CFAP100: variants seen among roughly 807,000 people sequenced by gnomAD.
CFAP100 encodes cilia and flagella associated protein 100.
In CFAP100, 70 loss-of-function variants were observed where a neutral mutation model predicts 81.5. That is an observed-to-expected ratio of 0.86 (90% CI 0.71 to 1.05). The LOEUF (loss-of-function observed/expected upper bound fraction) is 1.05, where lower values mean the gene tolerates loss of function less well. Ranked by LOEUF, CFAP100 falls within the 50% of genes least tolerant of loss-of-function variation. The pLI is 0.00. For missense variants in CFAP100, 811 were observed against 776.5 expected, an observed-to-expected ratio of 1.04 and a Z score of -0.53; for synonymous variants, 341 against 314.8, an observed-to-expected ratio of 1.08 and a Z score of -0.88.
At chr3:126,403,715 C>T (rs1031536058) in intron 2 of CFAP100, among the ~76,000 whole-genome samples, 2 of 152,104 alleles carry the variant, frequency 1.3e-5, no homozygotes, top group African/African-American at 4.8e-5. Context: ...ATGTTTCACA[C>T]CCAGTTCATT....
chr3:126,416,450 G>A lies in CFAP100; in HGVS notation c.360G>A (p.Glu120=), dbSNP rs573548441. 4.5e-5 allele frequency: 73 copies of A among 1,609,172 alleles called. No homozygotes were observed. The highest frequency in any genetic ancestry group is 5.7e-5 in the Non-Finnish European group (67 of 1,178,374). ...AGGAGGACCTGGAGGCGCGCGCCGA[G>A]GCCGAGCATCAGCGCGCCTTCCGCG... ...DKQEDLEARA[E]AEHQRAFRDY... Residue 120 remains glutamate (E), a synonymous_variant, in exon 5 of 17, where the codon GAG becomes GAA. Transcript: ENST00000352312.
chr3:126,434,073 G>A (rs371046767), intron 14 of CFAP100, 103 bp from the exon 15 acceptor site: 26 of 952,292 alleles, frequency 2.7e-5, no homozygotes, highest in Non-Finnish European at 3.9e-5. Flanking sequence ...TGTGCCAAGC[G>A]GTGGCCCCCA....
chr3:126,431,289 G>A (rs901794779), intron 13 of CFAP100, among the ~76,000 whole-genome samples: 2 of 152,150 alleles, frequency 1.3e-5, no homozygotes, highest in African/African-American at 4.8e-5. Flanking sequence ...CCCTCGAGGT[G>A]ATCCATCCAT....
At chr3:126,428,861 C>G (rs1027356444) in intron 13 of CFAP100, among the ~76,000 whole-genome samples, 8 of 152,006 alleles carry the variant, frequency 5.3e-5, no homozygotes, top group Admixed American at 2.6e-4. Flanking sequence ...AATCCCAGCA[C>G]TTTGGGAGGC....
intron 2 of CFAP100, among the ~76,000 whole-genome samples, chr3:126,402,207 G>T (rs918380722): frequency 2.6e-5 from 4 of 152,354 alleles, no homozygotes; most frequent in African/African-American, 9.6e-5. Flanking sequence ...AGTCCTGGGG[G>T]TGGTGAGGGA....
At chr3:126,395,656 G>T (rs2082876686) in intron 1 of CFAP100, among the ~76,000 whole-genome samples, 1 of 152,178 alleles carries the variant, frequency 6.6e-6, no homozygotes, top group Non-Finnish European at 1.5e-5. Context: ...TTGAAGAGAA[G>T]GAAGCCCAGC....
At chr3:126,412,146 G>T (rs554888850) in intron 3 of CFAP100, among the ~76,000 whole-genome samples, 1 of 152,242 alleles carries the variant, frequency 6.6e-6, no homozygotes, top group African/African-American at 2.4e-5. Context: ...TTTCCATTTT[G>T]ATTTCCTTGT....
At chr3:126,413,332 G>C (rs2083186336) in intron 3 of CFAP100, among the ~76,000 whole-genome samples, 1 of 152,170 alleles carries the variant, frequency 6.6e-6, no homozygotes, top group Non-Finnish European at 1.5e-5. Flanking sequence ...TGTGACACCA[G>C]AGTCACCCTC....
At chr3:126,405,766 G>T (rs2083053423) in intron 2 of CFAP100, among the ~76,000 whole-genome samples, 1 of 152,110 alleles carries the variant, frequency 6.6e-6, no homozygotes, top group Non-Finnish European at 1.5e-5. Flanking sequence ...TGAAATATGT[G>T]CTATGTATGT....
chr3:126,407,860 C>T lies in CFAP100; in HGVS notation c.130+608C>T, dbSNP rs1250484374. ...GCTGCATGTGCCTCACCCTGGTAGC[C>T]CTGAACAGGGCATCGCTGCCACCTG... is the stretch of plus-strand genomic sequence containing the variant. On this transcript the variant is annotated intron_variant, in intron 3 of 16. Transcript: ENST00000352312. 2.6e-5 allele frequency among the ~76,000 whole-genome samples: 4 copies of T among 152,200 alleles called. No homozygotes were observed. The East Asian group carries it at 7.7e-4, about 29-fold the overall frequency.
rs763600103 is a variant in CFAP100 at position 126,435,563 on chromosome 3, C to A, written c.1633C>A (p.Arg545=). 9 of 1,610,622 alleles carry A rather than the reference C, an allele frequency of 5.6e-6. No homozygotes were observed. The East Asian group carries it at 1.6e-4, about 28-fold the overall frequency. The change falls in exon 16 of 17, where the codon CGA becomes AGA. Residue 545 remains arginine (R), a synonymous_variant. Transcript: ENST00000352312. ...ATGTCATTTCTTGCCACCCAGACTT[C>A]GAGAAGAGAAGCTCCAGATGCAAAA... ...AKEKERRIRL[R]EEKLQMQKIL... is the part of the protein sequence containing the mutation.
At position 126,409,535 on chromosome 3, in the gene CFAP100, G is replaced by A. The variant is rs529209319; in HGVS notation, c.130+2283G>A. 3.3e-4 allele frequency among the ~76,000 whole-genome samples: 50 copies of A among 152,248 alleles called. No homozygotes were observed. In the South Asian group the frequency reaches 7.1e-3, roughly 21 times the overall value. On this transcript the variant is annotated intron_variant, in intron 3 of 16. Coordinates refer to ENST00000352312, the MANE Select transcript of CFAP100 (RefSeq NM_182628.3). ...AGTGGATAAATGAAGTTTTCCAGAGGGACTGTACCAATTCACAGTCCCACC... is the reference window on the plus strand; with the variant it reads ...AGTGGATAAATGAAGTTTTCCAGAGAGACTGTACCAATTCACAGTCCCACC...
intron 3 of CFAP100, among the ~76,000 whole-genome samples, chr3:126,412,735 C>A (rs1371238484): frequency 2.0e-5 from 3 of 152,300 alleles, no homozygotes; most frequent in Admixed American, 2.0e-4. Context: ...TCTGACCACT[C>A]CCAAGTCACC....
chr3:126,420,678 C>T (rs2083316663), intron 11 of CFAP100: 1 of 171,364 alleles, frequency 5.8e-6, no homozygotes, highest in Non-Finnish European at 1.3e-5. Context: ...TTCCTGTCTC[C>T]ATGGATTGAT....
chr3:126,409,374 T>C (rs763145494), intron 3 of CFAP100, among the ~76,000 whole-genome samples: 6 of 152,246 alleles, frequency 3.9e-5, no homozygotes, highest in Non-Finnish European at 7.3e-5. Flanking sequence ...CCATTGCTGG[T>C]GAACATTTAG....
intron 11 of CFAP100, among the ~76,000 whole-genome samples, chr3:126,421,762 G>A (rs2083335222): frequency 6.6e-6 from 1 of 152,248 alleles, no homozygotes; most frequent in African/African-American, 2.4e-5. Flanking sequence ...ACCCAAGCTG[G>A]CTTTCCTTTC....
chr3:126,406,880 C>T (rs534176432), intron 2 of CFAP100, among the ~76,000 whole-genome samples: 19 of 152,332 alleles, frequency 1.2e-4, no homozygotes, highest in African/African-American at 4.6e-4. Flanking sequence ...ATAAAACAGC[C>T]TTGCACTGCT....
chr3:126,423,655 T>G lies in CFAP100; in HGVS notation c.1286+11T>G. 1 of 1,613,958 alleles carries G rather than the reference T, an allele frequency of 6.2e-7. No individual in the cohort carries two copies. Among genetic ancestry groups the G allele is most frequent in the South Asian group, 1.1e-5 (1 of 91,076 alleles). ...CACCCAGATCCGCATGTAGGTGCTA[T>G]GCGGTGGCCAGTGGGGGCTCCCTGC... is the stretch of plus-strand genomic sequence containing the variant. On this transcript the variant is annotated intron_variant, in intron 13 of 16. Coordinates refer to ENST00000352312, the MANE Select transcript of CFAP100 (RefSeq NM_182628.3).
chr3:126,414,382 C>A, intron 4 of CFAP100: 1 of 678,088 alleles, frequency 1.5e-6, no homozygotes, highest in South Asian at 1.6e-5. Context: ...CCCATCTTCC[C>A]GTCTGTCACC....
Sources: gnomAD v4.1 joint callset for allele counts (sites outside exome capture counted in the v4.1 genomes callset) on GRCh38, gnomAD v4.1.1 for gene constraint, MANE v1.5 for transcripts, NCBI Gene and HGNC (gene_info 2026-07-23, HGNC 2026-07-21) for gene names.